NEBL: variants seen among roughly 807,000 people sequenced by gnomAD.
NEBL encodes the protein nebulette.
In NEBL, 122 loss-of-function variants were observed where a neutral mutation model predicts 140.2. The observed-to-expected ratio is 0.87, with a 90% CI of 0.75 to 1.01. The LOEUF (loss-of-function observed/expected upper bound fraction) is 1.01. Ranked by LOEUF, NEBL falls within the 50% of genes least tolerant of loss-of-function variation. The probability of loss-of-function intolerance (pLI) is 0.00; values close to 1 mark genes in which losing one functional copy is unlikely to be tolerated. For synonymous variants in NEBL, 436 were observed against 398.9 expected (o/e 1.09, Z -1.11); for missense variants, 1,365 against 1,231.3 (o/e 1.11, Z -1.62).
intron 2 of NEBL, among the ~76,000 whole-genome samples, chr10:21,024,867 AGGGGCT>A (rs1564483942): frequency 2.6e-5 from 4 of 152,316 alleles, no homozygotes; most frequent in African/African-American, 9.6e-5. Flanking sequence ...AAATAAACTG[AGGGGCT>A]GGTGGTCCTC....
chr10:21,185,757 C>A (rs1270621916), intron 3 of NEBL, among the ~76,000 whole-genome samples: 1 of 152,148 alleles, frequency 6.6e-6, no homozygotes, highest in Non-Finnish European at 1.5e-5. Flanking sequence ...CTCAGCCTCC[C>A]AAAGTGTTGG....
chr10:21,013,825 C>G (rs1838449093), intron 3 of NEBL, among the ~76,000 whole-genome samples: 1 of 152,186 alleles, frequency 6.6e-6, no homozygotes, highest in Admixed American at 6.5e-5. Flanking sequence ...TTGCAGTGAA[C>G]TGAGATCGTG....
At chr10:20,995,684 T>C (rs1020954631) in intron 3 of NEBL, among the ~76,000 whole-genome samples, 1 of 152,142 alleles carries the variant, frequency 6.6e-6, no homozygotes, top group Admixed American at 6.5e-5. Context: ...CATCAAAACA[T>C]CCTTGAATTC....
chr10:20,997,410 C>T (rs375217640), intron 3 of NEBL, among the ~76,000 whole-genome samples: 1 of 137,208 alleles, frequency 7.3e-6, no homozygotes. Context: ...TGGCCACAGT[C>T]ACCATTAGGT....
Position 20,974,728 on chromosome 10 carries a change from G to A in NEBL, c.250-12949C>T, listed in dbSNP as rs191240094. Among the ~76,000 whole-genome samples the A allele has an allele frequency of 1.6e-3, 249 of 152,218 alleles. 1 individual carries two copies. Among genetic ancestry groups the A allele is most frequent in the Non-Finnish European group, 3.0e-3 (202 of 68,018 alleles). On this transcript the variant is annotated intron_variant, in intron 3 of 6. Coordinates refer to the NEBL transcript ENST00000417816. ...TGCTCAGTAGGTGTCCATCAAATGA[G>A]TAAATAACTAAGATAACTACTTAAA... is the stretch of plus-strand genomic sequence containing the variant.
chr10:21,231,567 A>AAAAAG, intron 3 of NEBL, among the ~76,000 whole-genome samples: 1 of 151,986 alleles, frequency 6.6e-6, no homozygotes, highest in East Asian at 1.9e-4. Context: ...AAAAGAAAAG[A>AAAAAG]AAAAGAAAAG....
rs541466310 is a variant in NEBL, at chr10:20,965,568, A to G, written c.250-3789T>C. Among the ~76,000 whole-genome samples the G allele has an allele frequency of 7.0e-4, 107 of 152,290 alleles. 1 individual carries two copies. Among genetic ancestry groups the G allele is most frequent in the African/African-American group, 2.5e-3 (105 of 41,546 alleles). ...AGGGAAGAGGAAGAGGACTGCAGAG[A>G]GTGGTCACACGGGGCTTTGCACGCC... On this transcript the variant is annotated intron_variant, in intron 3 of 6. Coordinates refer to the NEBL transcript ENST00000417816.
intron 2 of NEBL, among the ~76,000 whole-genome samples, chr10:21,097,800 C>T (rs1288513286): frequency 6.6e-6 from 1 of 152,184 alleles, no homozygotes; most frequent in Non-Finnish European, 1.5e-5. Context: ...TGAAACACGA[C>T]AGGAACCGCC....
At chr10:20,896,906 T>C (rs1847546563) in intron 2 of NEBL, 52 bp downstream of exon 2, 1 of 1,437,346 alleles carries the variant, frequency 7.0e-7, no homozygotes, top group East Asian at 2.3e-5. Context: ...TATAACATAA[T>C]AATACCACAG....
At chr10:20,992,618 T>C (rs910642484) in intron 3 of NEBL, among the ~76,000 whole-genome samples, 3 of 152,092 alleles carry the variant, frequency 2.0e-5, no homozygotes, top group African/African-American at 7.2e-5. Context: ...TTGAGAGCCC[T>C]ATCCCTGACT....
chr10:20,902,767 A>T (rs1038286053), intron 4 of NEBL, among the ~76,000 whole-genome samples: 3 of 152,164 alleles, frequency 2.0e-5, no homozygotes, highest in African/African-American at 7.2e-5. Context: ...ACCAAGAGGA[A>T]GAAACCTAAG....
At chr10:21,274,646 G>C (rs562263532) in intron 1 of NEBL, among the ~76,000 whole-genome samples, 14 of 151,956 alleles carry the variant, frequency 9.2e-5, no homozygotes, top group African/African-American at 3.4e-4. Context: ...GCCTGGTCTC[G>C]AACCCCTGGC....
At chr10:21,089,961 C>T (rs1004943042) in intron 2 of NEBL, among the ~76,000 whole-genome samples, 2 of 152,102 alleles carry the variant, frequency 1.3e-5, no homozygotes, top group African/African-American at 2.4e-5. Flanking sequence ...ATATGCAGAA[C>T]GTACAAATGG....
chr10:21,155,409 T>A (rs1840302013), intron 2 of NEBL, among the ~76,000 whole-genome samples: 1 of 152,102 alleles, frequency 6.6e-6, no homozygotes, highest in Admixed American at 6.6e-5. Flanking sequence ...CCCATTAACA[T>A]CCCCACCTCC....
At chr10:20,814,101 T>C (rs1215861461) in intron 22 of NEBL, 58 bp from the exon 23 acceptor site, 5 of 1,088,334 alleles carry the variant, frequency 4.6e-6, no homozygotes, top group Non-Finnish European at 7.1e-6. Context: ...TGTAACATTT[T>C]TAAGCTTTAC....
chr10:21,203,005 A>G (rs1437477766), intron 3 of NEBL, among the ~76,000 whole-genome samples: 2 of 152,220 alleles, frequency 1.3e-5, no homozygotes, highest in Non-Finnish European at 2.9e-5. Flanking sequence ...TTGGCAACGC[A>G]TTTATTTAAA....
intron 4 of NEBL, among the ~76,000 whole-genome samples, chr10:20,952,904 C>CAAAAAAAAAAAAAAAAAAAAAAAA (rs34713711): frequency 4.8e-5 from 3 of 62,290 alleles, no homozygotes; most frequent in Middle Eastern, 0.011. Flanking sequence ...GACCCTGTCT[C>CAAAAAAAAAAAAAAAAAAAAAAAA]AAAAAAAAAA....
intron 2 of NEBL, among the ~76,000 whole-genome samples, chr10:21,107,125 C>T (rs1220302518): frequency 1.3e-5 from 2 of 152,182 alleles, no homozygotes; most frequent in African/African-American, 4.8e-5. Context: ...ATATCATCTG[C>T]AAACAGAGAC....
chr10:20,791,172 T>TA (rs1455979963), intron 26 of NEBL, among the ~76,000 whole-genome samples: 1 of 152,234 alleles, frequency 6.6e-6, no homozygotes, highest in Non-Finnish European at 1.5e-5. Flanking sequence ...ACCAAAGATC[T>TA]AGAAGCTGTC....
Sources: gnomAD v4.1 joint callset for allele counts (sites outside exome capture counted in the v4.1 genomes callset) on GRCh38, gnomAD v4.1.1 for gene constraint, MANE v1.5 for transcripts, NCBI Gene and HGNC (gene_info 2026-07-23, HGNC 2026-07-21) for gene names.